PSMA1: variants seen among roughly 807,000 people sequenced by gnomAD.
The protein encoded by PSMA1 is proteasome 20S subunit alpha 1.
Under a neutral mutation model 38.4 loss-of-function variants are expected in PSMA1, and 3 were observed. The observed-to-expected ratio is 0.08, with a 90% CI of 0.04 to 0.20. The LOEUF (loss-of-function observed/expected upper bound fraction) is 0.20, where lower values mean the gene tolerates loss of function less well. Among genes scored for constraint, PSMA1 ranks in the 10% least tolerant of loss-of-function variants. The probability of loss-of-function intolerance (pLI) is 1.00; values close to 1 mark genes in which losing one functional copy is unlikely to be tolerated. For synonymous variants in PSMA1, 101 were observed against 107.1 expected (o/e 0.94, Z 0.35); for missense variants, 227 against 325.3 (o/e 0.70, Z 2.32).
At chr11:14,532,436 C>A (rs1851657529) in intron 2 of PSMA1, among the ~76,000 whole-genome samples, 1 of 151,348 alleles carries the variant, frequency 6.6e-6, no homozygotes, top group Non-Finnish European at 1.5e-5. Flanking sequence ...GAAACCCCAC[C>A]TCTACTAAAA....
intron 2 of PSMA1, among the ~76,000 whole-genome samples, chr11:14,608,097 A>G (rs2134197047): frequency 6.6e-6 from 1 of 152,308 alleles, no homozygotes. Flanking sequence ...CATGCCTGTA[A>G]TCCTAGTACT....
chr11:14,543,246 C>T (rs556003072), intron 2 of PSMA1, among the ~76,000 whole-genome samples: 1 of 152,260 alleles, frequency 6.6e-6, no homozygotes, highest in Non-Finnish European at 1.5e-5. Flanking sequence ...GCCTGTAGTT[C>T]CAGCTACTCT....
intron 2 of PSMA1, among the ~76,000 whole-genome samples, chr11:14,528,295 C>A (rs1851609045): frequency 6.6e-6 from 1 of 152,202 alleles, no homozygotes; most frequent in Non-Finnish European, 1.5e-5. Flanking sequence ...ACTCCCAATT[C>A]TTAGTCCTTT....
intron 1 of PSMA1, among the ~76,000 whole-genome samples, chr11:14,627,783 T>C (rs1344738211): frequency 6.6e-6 from 1 of 152,254 alleles, no homozygotes; most frequent in African/African-American, 2.4e-5. Flanking sequence ...AATGATTTCA[T>C]GAACACTTTC....
At chr11:14,559,883 C>T (rs900040524) in intron 2 of PSMA1, among the ~76,000 whole-genome samples, 19 of 152,044 alleles carry the variant, frequency 1.2e-4, no homozygotes, top group African/African-American at 4.4e-4. Flanking sequence ...GATTCAATAT[C>T]AGGGAAAGAG....
chr11:14,587,816 T>C (rs1852366602), intron 2 of PSMA1, among the ~76,000 whole-genome samples: 1 of 152,210 alleles, frequency 6.6e-6, no homozygotes, highest in Admixed American at 6.5e-5. Flanking sequence ...ATACCATAGT[T>C]AGGACTCAAT....
intron 2 of PSMA1, among the ~76,000 whole-genome samples, chr11:14,552,081 T>C (rs1314578511): frequency 6.6e-6 from 1 of 152,012 alleles, no homozygotes; most frequent in Non-Finnish European, 1.5e-5. Flanking sequence ...TCTTGGAGGG[T>C]TGAGACAGAA....
At chr11:14,616,076 C>T (rs1221627054) in intron 1 of PSMA1, among the ~76,000 whole-genome samples, 7 of 152,068 alleles carry the variant, frequency 4.6e-5, no homozygotes, top group Non-Finnish European at 7.4e-5. Flanking sequence ...GTCTGAGATG[C>T]TTGGCCTGGC....
chr11:14,617,944 T>C (rs1045627208), intron 1 of PSMA1, among the ~76,000 whole-genome samples: 1 of 152,194 alleles, frequency 6.6e-6, no homozygotes, highest in Non-Finnish European at 1.5e-5. Context: ...ATTTTGCAAC[T>C]TACTAGCTGA....
intron 2 of PSMA1, among the ~76,000 whole-genome samples, chr11:14,592,810 TC>T (rs1405895122): frequency 6.6e-6 from 1 of 152,226 alleles, no homozygotes; most frequent in African/African-American, 2.4e-5. Flanking sequence ...GATAAATAAT[TC>T]CAGTCTCCTC....
At chr11:14,575,771 AC>A (rs1407684400) in intron 2 of PSMA1, among the ~76,000 whole-genome samples, 1 of 152,202 alleles carries the variant, frequency 6.6e-6, no homozygotes, top group African/African-American at 2.4e-5. Flanking sequence ...TTGGGTATAT[AC>A]CCAGTAATGG....
chr11:14,579,157 C>T (rs571023632), intron 2 of PSMA1, among the ~76,000 whole-genome samples: 2 of 152,334 alleles, frequency 1.3e-5, no homozygotes, highest in South Asian at 4.1e-4. Context: ...TAACAAATTG[C>T]TACAAACCTC....
intron 1 of PSMA1, among the ~76,000 whole-genome samples, chr11:14,632,235 T>G (rs1483877061): frequency 1.3e-5 from 2 of 149,494 alleles, no homozygotes; most frequent in Non-Finnish European, 3.0e-5. Flanking sequence ...AATTTGCTCG[T>G]TAGTTGATGC....
chr11:14,557,028 T>G (rs909121820), intron 2 of PSMA1, among the ~76,000 whole-genome samples: 1 of 152,032 alleles, frequency 6.6e-6, no homozygotes, highest in African/African-American at 2.4e-5. Flanking sequence ...GAGATGGGGG[T>G]ATCACTGTGT....
intron 1 of PSMA1, among the ~76,000 whole-genome samples, chr11:14,615,414 G>A (rs1852760230): frequency 6.6e-6 from 1 of 152,190 alleles, no homozygotes; most frequent in South Asian, 2.1e-4. Context: ...GGGACACGCT[G>A]AAAGAAACTC....
At chr11:14,616,159 C>T (rs1002344886) in intron 1 of PSMA1, among the ~76,000 whole-genome samples, 34 of 151,576 alleles carry the variant, frequency 2.2e-4, no homozygotes, top group South Asian at 6.2e-4. Context: ...AAAAGGGCAA[C>T]GACTGTAAGA....
intron 1 of PSMA1, among the ~76,000 whole-genome samples, chr11:14,620,180 G>C (rs1169213240): frequency 6.6e-6 from 1 of 152,124 alleles, no homozygotes; most frequent in Non-Finnish European, 1.5e-5. Flanking sequence ...AACAGAAGAA[G>C]AACAAACAGG....
intron 2 of PSMA1, among the ~76,000 whole-genome samples, chr11:14,593,372 G>A (rs1342563148): frequency 1.3e-5 from 2 of 152,168 alleles, no homozygotes; most frequent in Non-Finnish European, 2.9e-5. Context: ...CTTCTTCTTT[G>A]TGGGAAGTTC....
chr11:14,638,565 A>C (rs1565065465), intron 1 of PSMA1, among the ~76,000 whole-genome samples: 115 of 14,200 alleles, frequency 8.1e-3, no homozygotes, highest in East Asian at 0.01. Context: ...ATATATATAT[A>C]TATATATATA....
Sources: allele counts gnomAD v4.1 joint callset (sites outside exome capture counted in the v4.1 genomes callset), GRCh38; gene constraint gnomAD v4.1.1; transcripts MANE v1.5; gene names NCBI Gene and HGNC (gene_info 2026-07-23, HGNC 2026-07-21).